Variants in C1orf167 observed in about 807,000 individuals in gnomAD.
C1orf167 encodes the protein uncharacterized protein C1orf167.
C1orf167 carries 153 observed loss-of-function variants against 176.5 expected under a neutral mutation model. The ratio of observed to expected loss-of-function variants is 0.87; its 90% confidence interval spans 0.76 to 0.99. The LOEUF is 0.99. Ranked by LOEUF, C1orf167 falls within the 50% of genes least tolerant of loss-of-function variation. The probability of loss-of-function intolerance (pLI) is 0.00; values close to 1 mark genes in which losing one functional copy is unlikely to be tolerated. For synonymous variants in C1orf167, 594 were observed against 752.7 expected (o/e 0.79, Z 3.45); for missense variants, 1,490 against 1,817.7 (o/e 0.82, Z 3.28).
In C1orf167 at chr1:11,766,878, C is replaced by A; in HGVS notation, c.1092C>A (p.Gly364=). 7.9e-7 allele frequency: 1 copy of A among 1,269,282 alleles called. No homozygotes were observed. The highest frequency in any genetic ancestry group is 1.0e-6 in the Non-Finnish European group (1 of 977,318). The allele number at this position is 1,269,282 out of a possible 1,614,324, so 78.6% of individuals were successfully genotyped here. The change falls in exon 3 of 21, where the codon GGC becomes GGA. Residue 364 remains glycine, a synonymous_variant. Transcript: ENST00000688073. The surrounding 1 kb of genome is among the most constrained non-coding windows in gnomAD (Gnocchi z 4.5). Reference sequence around the variant, plus strand: ...GCTGCTCCCCCTGGTCTCAAGATGGCAGGGCACAGAGGGGTGACCCCAGTC... The same window carrying A: ...GCTGCTCCCCCTGGTCTCAAGATGGAAGGGCACAGAGGGGTGACCCCAGTC... ...GDSCSPWSQD[G]RAQRGDPSLP...
At position 11,766,768 on chromosome 1, in the gene C1orf167, G is replaced by A. The variant is rs1218467520; in HGVS notation, c.982G>A (p.Glu328Lys). 2 of 1,289,686 alleles carry A rather than the reference G, an allele frequency of 1.6e-6. No homozygotes were observed. Among genetic ancestry groups the A allele is most frequent in the Admixed American group, 4.6e-5 (2 of 43,544 alleles). 79.9% of individuals were successfully genotyped at this position (1,289,686 alleles called of 1,614,324 possible). ...GGCACAAAGCAAGCTAATGTCACCT[G>A]AGACCACTTTGGGGACACGGACCAA... ...SWAQSKLMSPETTLGTRTKDS... is the reference protein window; with the variant it reads ...SWAQSKLMSPKTTLGTRTKDS... Residue 328 changes from glutamate to lysine, a missense_variant, in exon 3 of 21, where the codon GAG (glutamate) becomes AAG (lysine). Glu to Lys is a moderately conservative substitution (Grantham distance 56). Transcript: ENST00000688073. The surrounding 1 kb of genome is among the most constrained non-coding windows in gnomAD (Gnocchi z 4.5).
At chr1:11,785,065 C>T in intron 15 of C1orf167, 83 bp from the exon 16 acceptor site, 23 of 1,132,014 alleles carry the variant, frequency 2.0e-5, no homozygotes, top group Non-Finnish European at 2.6e-5. Flanking sequence ...CGGAAGGCCC[C>T]CTCCCGCAGG....
At chr1:11,764,720 G>A (rs1037600811) in intron 2 of C1orf167, among the ~76,000 whole-genome samples, 7 of 152,176 alleles carry the variant, frequency 4.6e-5, no homozygotes, top group Admixed American at 3.3e-4. Context: ...CCCACAGCTC[G>A]GTCCTGGGGA....
intron 2 of C1orf167, among the ~76,000 whole-genome samples, chr1:11,764,736 C>A (rs1642703151): frequency 6.6e-6 from 1 of 152,182 alleles, no homozygotes. Flanking sequence ...GGGGACATCC[C>A]TTCTCAGGCT....
At chr1:11,780,089 CCAA>C in intron 13 of C1orf167, 79 bp downstream of exon 13, 9 of 1,092,266 alleles carry the variant, frequency 8.2e-6, no homozygotes, top group Non-Finnish European at 1.1e-5. Context: ...GCAGCCCTGG[CCAA>C]CAACTTGACT....
chr1:11,762,989 A>G (rs1426790388), intron 1 of C1orf167, among the ~76,000 whole-genome samples: 1 of 152,086 alleles, frequency 6.6e-6, no homozygotes, highest in Non-Finnish European at 1.5e-5. Context: ...GTGATGTGGG[A>G]GGCAAGACTT....
At chr1:11,767,474 G>A (rs1345821853) in intron 4 of C1orf167, among the ~76,000 whole-genome samples, 3 of 152,152 alleles carry the variant, frequency 2.0e-5, no homozygotes, top group Non-Finnish European at 2.9e-5. Context: ...ATGCTCATGG[G>A]TTTGGGACAC....
intron 4 of C1orf167, 108 bp downstream of exon 4, chr1:11,767,372 G>A (rs990397408): frequency 2.4e-5 from 24 of 1,017,750 alleles, no homozygotes; most frequent in Non-Finnish European, 3.2e-5. Context: ...ATGGAGAGGA[G>A]GCAGGGTTTC....
chr1:11,779,028 G>C lies in C1orf167; in HGVS notation c.2599G>C (p.Ala867Pro). The change falls in exon 12 of 21, where the codon GCC becomes CCC. Residue 867 changes from alanine to proline, a missense_variant. Coordinates refer to ENST00000688073, the MANE Select transcript of C1orf167 (RefSeq NM_001010881.2). ...GTGCCTTCTGCTCTGGCAGGCACGG[G>C]CCCAGCAGTTCCAGGGCACAGCCAG... ...GQCLLLWQAR[A>P]QQFQGTARWY... is the part of the protein sequence containing the mutation. 1 of 1,294,450 alleles carries C rather than the reference G, an allele frequency of 7.7e-7. No individual in the cohort carries two copies. Among genetic ancestry groups the C allele is most frequent in the Non-Finnish European group, 1.0e-6 (1 of 984,426 alleles). 80.2% of individuals were successfully genotyped at this position (1,294,450 alleles called of 1,614,324 possible).
chr1:11,766,676 G>A lies in C1orf167; in HGVS notation c.890G>A (p.Arg297Lys), dbSNP rs1290251597. 1 of 1,289,884 alleles carries A rather than the reference G, an allele frequency of 7.8e-7. No homozygotes were observed. Among genetic ancestry groups the A allele is most frequent in the East Asian group, 5.5e-5 (1 of 18,022 alleles). The allele number at this position is 1,289,884 out of a possible 1,614,324, so 79.9% of individuals were successfully genotyped here. A position where few individuals can be genotyped will look rare whatever the true frequency, so the allele number is the denominator to read the frequency against. ...CTTGCTTCCTCGGATGGGAGGAGGA[G>A]ACGCCTTCGAGGCCACAGGGAAACT... Reference protein sequence around the residue: ...PVLASSDGRRRRLRGHRETAA... With the variant: ...PVLASSDGRRKRLRGHRETAA... Residue 297 changes from arginine (R) to lysine (K), a missense_variant, in exon 3 of 21, where the codon AGA becomes AAA. Arg to Lys is a conservative substitution (Grantham distance 26). Coordinates refer to ENST00000688073, the MANE Select transcript of C1orf167 (RefSeq NM_001010881.2). This position sits in a 1 kb window ranked among gnomAD's most constrained non-coding sequence, Gnocchi z 4.5.
At chr1:11,764,509 G>T (rs763813539) in intron 2 of C1orf167, 39 bp downstream of exon 2, 1 of 1,282,702 alleles carries the variant, frequency 7.8e-7, no homozygotes, top group Middle Eastern at 2.2e-4. Flanking sequence ...AGTTACAGGA[G>T]CAGGGCCCTC....
chr1:11,768,257 G>A lies in C1orf167; in HGVS notation c.1524G>A (p.Leu508=), dbSNP rs1006454295. ...AAWGQYTKVL[L]VRSFREWRNL... is the part of the protein sequence containing the mutation. ...GGGGGCAGTACACAAAGGTTCTGCT[G>A]GTCCGGAGCTTCCGAGAGGTCAGCG... The change falls in exon 5 of 21, where the codon CTG becomes CTA. Residue 508 remains leucine (L), a synonymous_variant. Transcript: ENST00000688073. The surrounding 1 kb of genome is among the most constrained non-coding windows in gnomAD (Gnocchi z 4.5). 1.6e-6 allele frequency: 2 copies of A among 1,289,822 alleles called. No homozygotes were observed. The highest frequency in any genetic ancestry group is 1.5e-5 in the African/African-American group (1 of 65,884). 79.9% of individuals were successfully genotyped at this position (1,289,822 alleles called of 1,614,324 possible).
chr1:11,782,935 AAGG>A (rs1390591081), intron 14 of C1orf167, among the ~76,000 whole-genome samples: 3 of 149,412 alleles, frequency 2.0e-5, no homozygotes, highest in Admixed American at 6.7e-5. Context: ...AAAAAAAAAA[AAGG>A]AGGAGAAATC....
chr1:11,771,031 ATGTGTG>A (rs58020814), intron 6 of C1orf167, among the ~76,000 whole-genome samples: 535 of 35,034 alleles, frequency 0.015, 17 homozygotes, highest in Non-Finnish European at 0.025. Flanking sequence ...GTGTGTGTGT[ATGTGTG>A]TGTGTGTGTG....
In C1orf167 at chr1:11,788,228, G is replaced by A. The variant is rs1322756460; in HGVS notation, c.3928G>A (p.Ala1310Thr). 2 of 1,303,820 alleles carry A rather than the reference G, an allele frequency of 1.5e-6. No homozygotes were observed. Among genetic ancestry groups the A allele is most frequent in the East Asian group, 5.6e-5 (1 of 18,008 alleles). The allele number at this position is 1,303,820 out of a possible 1,614,324, so 80.8% of individuals were successfully genotyped here. A position where few individuals can be genotyped will look rare whatever the true frequency, so the allele number is the denominator to read the frequency against. The change falls in exon 19 of 21, where the codon GCT (alanine) becomes ACT (threonine). Residue 1310 changes from alanine (A) to threonine (T), a missense_variant. Transcript: ENST00000688073. Reference sequence around the variant, plus strand: ...CCTTCTGGCCCTGAAGGGTCACGATGCTCTTGGCCATCAGGAGGAAGTACC... The same window carrying A: ...CCTTCTGGCCCTGAAGGGTCACGATACTCTTGGCCATCAGGAGGAAGTACC... ...ALLLALKGHD[A>T]LGHQEEVPAA... is the part of the protein sequence containing the mutation.
At chr1:11,780,575 C>T (rs1216534102) in intron 13 of C1orf167, among the ~76,000 whole-genome samples, 1 of 152,216 alleles carries the variant, frequency 6.6e-6, no homozygotes, top group Non-Finnish European at 1.5e-5. Flanking sequence ...CCTAGTTAAC[C>T]TCCCTGAGTC....
chr1:11,772,328 C>T, intron 8 of C1orf167, 69 bp downstream of exon 8: 1 of 1,213,422 alleles, frequency 8.2e-7, no homozygotes, highest in Non-Finnish European at 1.1e-6. Flanking sequence ...TACAGTGGCA[C>T]CATCTTGCTC....
chr1:11,787,873 G>A lies in C1orf167; in HGVS notation c.3674G>A (p.Arg1225Lys), dbSNP rs758990799. ...RKPRGTAWAQ[R>K]CREHSLCPAF... Reference sequence around the variant, plus strand: ...CTTGTGACTCAACTCCCCTTTCCAGGGTGCAGGGAACATTCCCTCTGCCCT... The same window carrying A: ...CTTGTGACTCAACTCCCCTTTCCAGAGTGCAGGGAACATTCCCTCTGCCCT... The change falls in exon 18 of 21, where the codon AGG becomes AAG. Residue 1225 changes from arginine to lysine, a missense_variant and splice_region_variant. Physicochemically the swap from Arg to Lys is conservative, Grantham distance 26 (BLOSUM62 2). Coordinates refer to ENST00000688073, the MANE Select transcript of C1orf167 (RefSeq NM_001010881.2). The A allele has an allele frequency of 2.6e-5, 32 of 1,212,060 alleles. No individual in the cohort carries two copies. The highest frequency in any genetic ancestry group is 1.0e-4 in the Admixed American group (3 of 28,998). The allele number at this position is 1,212,060 out of a possible 1,614,324, so 75.1% of individuals were successfully genotyped here.
At chr1:11,785,834 G>A (rs1042107620) in intron 16 of C1orf167, 6 of 152,314 alleles carry the variant, frequency 3.9e-5, no homozygotes, top group African/African-American at 1.4e-4. Flanking sequence ...CCGGGTTCAA[G>A]TGATTCTCCC....
Sources: allele counts gnomAD v4.1 joint callset (sites outside exome capture counted in the v4.1 genomes callset), GRCh38; gene constraint gnomAD v4.1.1; non-coding constraint Gnocchi (gnomAD v3.1); transcripts MANE v1.5; gene names NCBI Gene and HGNC (gene_info 2026-07-23, HGNC 2026-07-21).